The following MARCHF1 variants were observed in gnomAD, a reference collection of about 807,000 sequenced individuals.
MARCHF1 encodes E3 ubiquitin-protein ligase MARCHF1.
A neutral mutation model predicts 54.2 loss-of-function variants in MARCHF1; 40 were observed. The ratio of observed to expected loss-of-function variants is 0.74; its 90% CI spans 0.57 to 0.96. MARCHF1 has a LOEUF of 0.96. MARCHF1 is among the 40% of genes least tolerant of loss of function. The probability of loss-of-function intolerance (pLI) is 0.00; values close to 1 mark genes in which losing one functional copy is unlikely to be tolerated. For missense variants in MARCHF1, 586 were observed against 656.5 expected, an observed-to-expected ratio of 0.89 and a Z score of 1.17; for synonymous variants, 236 against 236.3, an observed-to-expected ratio of 1.00 and a Z score of 0.01.
rs1306650736 is a variant in MARCHF1 at position 164,101,682 on chromosome 4, T to G, written c.-248+9906A>C. On this transcript the variant is annotated intron_variant, in intron 2 of 9. Transcript: ENST00000514618. The stretch of plus-strand genomic sequence containing the variant: ...TGGGGAAAAAACAGAACAGAAAAAC[T>G]GGAAACTCTAAAAATCAGAGCGCCT... Among the ~76,000 whole-genome samples the G allele has an allele frequency of 5.7e-5, 7 of 123,438 alleles. No homozygotes were observed. In the East Asian group the frequency reaches 6.5e-4, roughly 11 times the overall value. 81.0% of individuals were successfully genotyped at this position (123,438 alleles called of 152,430 possible). A position where few individuals can be genotyped will look rare whatever the true frequency, so the allele number is the denominator to read the frequency against.
chr4:163,864,136 T>G (rs1220367395), intron 3 of MARCHF1, among the ~76,000 whole-genome samples: 1 of 151,988 alleles, frequency 6.6e-6, no homozygotes, highest in African/African-American at 2.4e-5. Flanking sequence ...TTGTGAACTG[T>G]ACATAGAAAC....
At position 163,585,889 on chromosome 4, in the gene MARCHF1, T is replaced by C. The variant is rs1391108124; in HGVS notation, c.1051A>G (p.Thr351Ala). 6.2e-7 allele frequency: 1 copy of C among 1,613,200 alleles called. No homozygotes were observed. Among genetic ancestry groups the C allele is most frequent in the Non-Finnish European group, 8.5e-7 (1 of 1,179,694 alleles). ...CEGDEESPLI[T>A]PCRCTGTLRF... ...AGTGTCCCAGTGCAGCGACAGGGTG[T>C]GATGAGGGGGCTCTCTTCATCCCCT... Residue 351 changes from threonine to alanine, a missense_variant, in exon 8 of 10, where the codon ACA (threonine) becomes GCA (alanine). Physicochemically the swap from Thr to Ala is moderately conservative, Grantham distance 58. This residue lies in a region of MARCHF1 where 93 missense variants were observed against 168.2 expected (regional missense o/e 0.55). Coordinates refer to ENST00000514618, the MANE Select transcript of MARCHF1 (RefSeq NM_001394959.1).
chr4:164,002,692 A>G (rs1753209223), intron 2 of MARCHF1, among the ~76,000 whole-genome samples: 1 of 151,866 alleles, frequency 6.6e-6, no homozygotes, highest in African/African-American at 2.4e-5. Context: ...TGATAATTAA[A>G]TCCACTGATC....
At chr4:164,033,317 A>T (rs1483888627) in intron 2 of MARCHF1, among the ~76,000 whole-genome samples, 1 of 152,228 alleles carries the variant, frequency 6.6e-6, no homozygotes, top group East Asian at 1.9e-4. Context: ...AAAACCATAA[A>T]AACCCTAGAA....
Position 164,190,277 on chromosome 4 carries a change from T to C in MARCHF1, c.-322-78615A>G, listed in dbSNP as rs373762057. 6 of 904,224 alleles carry C rather than the reference T, an allele frequency of 6.6e-6. No individual in the cohort carries two copies. In the Admixed American group the frequency reaches 8.7e-5, roughly 13 times the overall value. 56.0% of individuals were successfully genotyped at this position (904,224 alleles called of 1,614,324 possible). A position where few individuals can be genotyped will look rare whatever the true frequency, so the allele number is the denominator to read the frequency against. ...TTCAGCCACTTATCAGCAAACTCTA[T>C]GGAAGTGCAAGCCCTCTCCCAGCCA... is the stretch of plus-strand genomic sequence containing the variant. On this transcript the variant is annotated intron_variant, in intron 1 of 9. Coordinates refer to ENST00000514618, the MANE Select transcript of MARCHF1 (RefSeq NM_001394959.1).
intron 4 of MARCHF1, among the ~76,000 whole-genome samples, chr4:163,793,142 T>A (rs1747816248): frequency 6.6e-6 from 1 of 152,218 alleles, no homozygotes; most frequent in Non-Finnish European, 1.5e-5. Flanking sequence ...ATAAAAAATG[T>A]TATTCCTAAA....
chr4:163,581,071 G>A lies in MARCHF1; in HGVS notation c.1191+4678C>T, dbSNP rs1289778759. On this transcript the variant is annotated intron_variant, in intron 8 of 9. Coordinates refer to ENST00000514618, the MANE Select transcript of MARCHF1 (RefSeq NM_001394959.1). The stretch of plus-strand genomic sequence containing the variant: ...CCCGCCTCGGCCTCCCAAAGTGCTG[G>A]GATTACAGGCGTGAGCCACCGCGCC... Among the ~76,000 whole-genome samples, 3 of 41,924 alleles carry A rather than the reference G, an allele frequency of 7.2e-5. 1 individual carries two copies. The highest frequency in any genetic ancestry group is 2.6e-4 in the Admixed American group (1 of 3,860). The allele number at this position is 41,924 out of a possible 152,430, so 27.5% of individuals were successfully genotyped here.
chr4:163,643,682 T>G (rs1384339064), intron 5 of MARCHF1, among the ~76,000 whole-genome samples: 1 of 152,230 alleles, frequency 6.6e-6, no homozygotes, highest in African/African-American at 2.4e-5. Flanking sequence ...ATGGCTATTG[T>G]TCCTCTTTTT....
intron 1 of MARCHF1, among the ~76,000 whole-genome samples, chr4:164,118,955 A>AC (rs1755999091): frequency 6.6e-6 from 1 of 151,308 alleles, no homozygotes; most frequent in South Asian, 2.1e-4. Flanking sequence ...TGAAAAAAAT[A>AC]TAATACGGGA....
At chr4:163,978,282 C>A (rs531788172) in intron 3 of MARCHF1, among the ~76,000 whole-genome samples, 10 of 152,178 alleles carry the variant, frequency 6.6e-5, no homozygotes, top group Admixed American at 2.0e-4. Flanking sequence ...AGTCATGCAA[C>A]CTTAAATATT....
At chr4:163,709,887 T>C (rs963343364) in intron 4 of MARCHF1, among the ~76,000 whole-genome samples, 5 of 152,192 alleles carry the variant, frequency 3.3e-5, no homozygotes, top group Non-Finnish European at 7.4e-5. Flanking sequence ...TGGACAAGTA[T>C]ATTTCAAATT....
At chr4:163,943,787 C>T (rs983120551) in intron 3 of MARCHF1, among the ~76,000 whole-genome samples, 2 of 149,118 alleles carry the variant, frequency 1.3e-5, no homozygotes, top group Non-Finnish European at 3.0e-5. Flanking sequence ...ACCTCCATCC[C>T]TGGGCTTGCT....
intron 5 of MARCHF1, among the ~76,000 whole-genome samples, chr4:163,661,379 G>C (rs1743337763): frequency 6.6e-6 from 1 of 151,832 alleles, no homozygotes; most frequent in Non-Finnish European, 1.5e-5. Context: ...GTTCTTCTGT[G>C]ATCTGAAATT....
chr4:164,083,158 C>T (rs1755132734), intron 2 of MARCHF1, among the ~76,000 whole-genome samples: 1 of 152,056 alleles, frequency 6.6e-6, no homozygotes, highest in African/African-American at 2.4e-5. Flanking sequence ...TAAGGTGATG[C>T]CTCTTCTCTG....
chr4:163,997,748 T>C (rs1753105325), intron 2 of MARCHF1, among the ~76,000 whole-genome samples: 1 of 151,864 alleles, frequency 6.6e-6, no homozygotes, highest in Non-Finnish European at 1.5e-5. Context: ...TGGTTTACCA[T>C]AAAGCAGAAA....
intron 3 of MARCHF1, among the ~76,000 whole-genome samples, chr4:163,898,524 C>T (rs1303111356): frequency 4.6e-5 from 7 of 152,080 alleles, no homozygotes; most frequent in Non-Finnish European, 8.8e-5. Flanking sequence ...ATTAAAAAGT[C>T]AAAGAACAAC....
chr4:163,898,103 GA>G (rs1704888128), intron 3 of MARCHF1, among the ~76,000 whole-genome samples: 1 of 136,996 alleles, frequency 7.3e-6, no homozygotes, highest in Non-Finnish European at 1.6e-5. Flanking sequence ...AGAGAAACTA[GA>G]AAAAACTCTT....
intron 1 of MARCHF1, among the ~76,000 whole-genome samples, chr4:164,264,682 G>A (rs1260219702): frequency 6.6e-6 from 1 of 152,016 alleles, no homozygotes; most frequent in Admixed American, 6.6e-5. Context: ...CACTTTGGGA[G>A]GCCGATGCTG....
At chr4:163,723,063 C>A (rs962286186) in intron 4 of MARCHF1, among the ~76,000 whole-genome samples, 1 of 152,156 alleles carries the variant, frequency 6.6e-6, no homozygotes, top group Non-Finnish European at 1.5e-5. Flanking sequence ...TTTATCCTGT[C>A]ATTATGATGT....
Sources: gnomAD v4.1 joint callset for allele counts (sites outside exome capture counted in the v4.1 genomes callset) on GRCh38, gnomAD v4.1.1 for gene constraint, gnomAD v4.1.1 regional missense constraint, MANE v1.5 for transcripts, NCBI Gene and HGNC (gene_info 2026-07-23, HGNC 2026-07-21) for gene names.